CHD6: variants seen among roughly 807,000 people sequenced by gnomAD.
CHD6 encodes chromodomain helicase DNA binding protein 6, also known as ATP-dependent chromatin remodeler CHD6.
In CHD6, 50 loss-of-function variants were observed where a neutral mutation model predicts 276.9. That is an observed-to-expected ratio of 0.18 (90% CI 0.14 to 0.23). The LOEUF (loss-of-function observed/expected upper bound fraction) is 0.23, where lower values mean the gene tolerates loss of function less well. CHD6 is among the 10% of genes least tolerant of loss of function. CHD6 has a pLI of 1.00. For missense variants in CHD6, 2,564 were observed against 3,365.8 expected, an observed-to-expected ratio of 0.76 and a Z score of 5.89; for synonymous variants, 1,173 against 1,229.3, an observed-to-expected ratio of 0.95 and a Z score of 0.96.
chr20:41,520,916 T>C (rs958111872), intron 3 of CHD6, among the ~76,000 whole-genome samples: 1 of 152,128 alleles, frequency 6.6e-6, no homozygotes, highest in Non-Finnish European at 1.5e-5. Context: ...TATGCTACCT[T>C]TTGTGTAAGA....
At chr20:41,586,651 T>C (rs1187113766) in intron 1 of CHD6, among the ~76,000 whole-genome samples, 1 of 152,170 alleles carries the variant, frequency 6.6e-6, no homozygotes. Context: ...AAGTGAGATT[T>C]ATCCTAGGAA....
At chr20:41,532,153 T>C (rs1033973797) in intron 3 of CHD6, among the ~76,000 whole-genome samples, 4 of 152,164 alleles carry the variant, frequency 2.6e-5, no homozygotes, top group African/African-American at 4.8e-5. Context: ...AGGAATGCAT[T>C]TGCTGTCTTG....
chr20:41,504,403 CTTTTTTTTTTT>C (rs200549678), intron 5 of CHD6, among the ~76,000 whole-genome samples: 7 of 109,966 alleles, frequency 6.4e-5, no homozygotes, highest in African/African-American at 2.4e-4. Flanking sequence ...CCTCTATTTT[CTTTTTTTTTTT>C]TTTTTTTTTT....
chr20:41,538,870 C>T (rs1166359328), intron 2 of CHD6, among the ~76,000 whole-genome samples: 2 of 152,188 alleles, frequency 1.3e-5, no homozygotes, highest in Non-Finnish European at 2.9e-5. Flanking sequence ...ACCCTTGACC[C>T]TGCCTCCTCC....
chr20:41,589,840 T>C (rs1375891177), intron 1 of CHD6, among the ~76,000 whole-genome samples: 3 of 152,074 alleles, frequency 2.0e-5, no homozygotes, highest in Non-Finnish European at 4.4e-5. Flanking sequence ...GCTATCACTT[T>C]CTTCACAGAA....
intron 17 of CHD6, among the ~76,000 whole-genome samples, chr20:41,469,903 T>G (rs934556684): frequency 5.3e-5 from 8 of 152,254 alleles, no homozygotes; most frequent in African/African-American, 1.9e-4. Flanking sequence ...ACCCAGTTTC[T>G]ATCCTGGATC....
intron 3 of CHD6, among the ~76,000 whole-genome samples, chr20:41,529,152 T>C (rs914281750): frequency 1.9e-4 from 29 of 152,238 alleles, no homozygotes; most frequent in Non-Finnish European, 3.7e-4. Flanking sequence ...TACTTAACTT[T>C]TTGAACTTTC....
chr20:41,454,607 A>G lies in CHD6; in HGVS notation c.3120+19T>C. 6.4e-7 allele frequency: 1 copy of G among 1,558,658 alleles called. No homozygotes were observed. Among genetic ancestry groups the G allele is most frequent in the South Asian group, 1.1e-5 (1 of 88,486 alleles). ...ACATAAGTGAATGTTCCATGGAATA[A>G]AATATTATTTTGCTGTACCTTTTCA... is the stretch of plus-strand genomic sequence containing the variant. On this transcript the variant is annotated intron_variant, in intron 20 of 36. Coordinates refer to ENST00000373233, the MANE Select transcript of CHD6 (RefSeq NM_032221.5).
intron 36 of CHD6, among the ~76,000 whole-genome samples, chr20:41,405,913 A>G (rs2046662461): frequency 6.6e-6 from 1 of 152,260 alleles, no homozygotes; most frequent in East Asian, 1.9e-4. Flanking sequence ...TTTTTATTGA[A>G]GCAACAAAGC....
intron 28 of CHD6, 23 bp from the exon 29 acceptor site, chr20:41,425,417 T>C: frequency 6.3e-7 from 1 of 1,598,604 alleles, no homozygotes. Context: ...GTGAGGATAT[T>C]AGTATTTACA....
At chr20:41,530,261 A>G (rs1304438035) in intron 3 of CHD6, among the ~76,000 whole-genome samples, 3 of 152,174 alleles carry the variant, frequency 2.0e-5, no homozygotes, top group Non-Finnish European at 4.4e-5. Flanking sequence ...AGGCGATCTG[A>G]TTTACCACCA....
At chr20:41,410,882 G>T (rs915090108) in intron 36 of CHD6, among the ~76,000 whole-genome samples, 4 of 152,134 alleles carry the variant, frequency 2.6e-5, no homozygotes, top group African/African-American at 9.7e-5. Flanking sequence ...AAGAACCGGA[G>T]ATCTTCCCTT....
rs192868609 is a variant in CHD6, at chr20:41,589,672, T to G, written c.-24+28668A>C. Among the ~76,000 whole-genome samples, 92 of 152,284 alleles carry G rather than the reference T, an allele frequency of 6.0e-4. 1 individual carries two copies. The highest frequency in any genetic ancestry group is 1.9e-3 in the African/African-American group (79 of 41,558). ...AATCCAACTTACAAGGAATGTGAAG[T>G]ACCTCTTCAAGGAGAACTACAAATC... On this transcript the variant is annotated intron_variant, in intron 1 of 36. Transcript: ENST00000373233.
intron 5 of CHD6, among the ~76,000 whole-genome samples, chr20:41,503,843 C>T (rs925460477): frequency 2.0e-5 from 3 of 151,852 alleles, no homozygotes; most frequent in African/African-American, 4.8e-5. Flanking sequence ...TTTAGGAGGC[C>T]GAAGTGGGTG....
At chr20:41,601,991 C>T (rs932926480) in intron 1 of CHD6, among the ~76,000 whole-genome samples, 1 of 152,184 alleles carries the variant, frequency 6.6e-6, no homozygotes, top group African/African-American at 2.4e-5. Context: ...CCACACAGGG[C>T]CTCCCTCTGG....
chr20:41,483,941 G>C (rs1381828043), intron 15 of CHD6, among the ~76,000 whole-genome samples: 1 of 152,128 alleles, frequency 6.6e-6, no homozygotes, highest in African/African-American at 2.4e-5. Context: ...AACTAGTTTG[G>C]TTAACTGTTA....
chr20:41,405,399 T>G lies in CHD6; in HGVS notation c.7342A>C (p.Ser2448Arg), dbSNP rs762878041. 1 of 1,613,736 alleles carries G rather than the reference T, an allele frequency of 6.2e-7. No individual in the cohort carries two copies. The highest frequency in any genetic ancestry group is 1.1e-5 in the South Asian group (1 of 91,062). The part of the protein sequence containing the change: ...GPRRRGRRPR[S>R]ELLKAPSIVA... ...ATGGAAGGAGCCTTCAGGAGTTCGC[T>G]CCGAGGCCGCCTCCCCCTCCTGCGG... Residue 2448 changes from serine to arginine, a missense_variant, in exon 37 of 37, where the codon AGC becomes CGC. By Grantham distance (110) the Ser-to-Arg change is moderately radical. Coordinates refer to ENST00000373233, the MANE Select transcript of CHD6 (RefSeq NM_032221.5).
chr20:41,482,516 C>A (rs73611281), intron 16 of CHD6: 12,676 of 510,764 alleles, frequency 0.025, 198 homozygotes, highest in Admixed American at 0.033. Flanking sequence ...TGTTAAGACA[C>A]CCGAGATTTG....
chr20:41,499,220 C>G, intron 6 of CHD6, 75 bp downstream of exon 6: 1 of 1,196,958 alleles, frequency 8.4e-7, no homozygotes, highest in Non-Finnish European at 1.2e-6. Flanking sequence ...ATTCTAGGTT[C>G]TCTAGCCAAA....
Sources: allele counts gnomAD v4.1 joint callset (sites outside exome capture counted in the v4.1 genomes callset), GRCh38; gene constraint gnomAD v4.1.1; transcripts MANE v1.5; gene names NCBI Gene and HGNC (gene_info 2026-07-23, HGNC 2026-07-21).